The following APP variants were observed in gnomAD, a reference collection of about 807,000 sequenced individuals.
The protein encoded by APP is amyloid beta precursor protein, also known as amyloid-beta precursor protein.
A neutral mutation model predicts 101.4 loss-of-function variants in APP; 31 were observed. That is an observed-to-expected ratio of 0.31 (90% CI 0.23 to 0.41). APP has a LOEUF of 0.41. Ranked by LOEUF, APP falls within the 10% of genes least tolerant of loss-of-function variation. The probability of loss-of-function intolerance (pLI) is 1.00; values close to 1 mark genes in which losing one functional copy is unlikely to be tolerated. For synonymous variants in APP, 366 were observed against 364.4 expected (o/e 1.00, Z -0.05); for missense variants, 839 against 1,003.7 (o/e 0.84, Z 2.22).
At chr21:26,156,658 A>G (rs534661065) in intron 1 of APP, among the ~76,000 whole-genome samples, 2 of 152,326 alleles carry the variant, frequency 1.3e-5, no homozygotes, top group Admixed American at 1.3e-4. Flanking sequence ...TAGCTCAAAT[A>G]TTTTCAGATG....
At chr21:26,115,466 T>A (rs1364089482) in intron 1 of APP, among the ~76,000 whole-genome samples, 1 of 152,234 alleles carries the variant, frequency 6.6e-6, no homozygotes, top group Non-Finnish European at 1.5e-5. Flanking sequence ...CCTGTCTCCC[T>A]GAATTAAAAC....
chr21:25,978,433 T>C (rs907768238), intron 9 of APP, among the ~76,000 whole-genome samples: 17 of 152,178 alleles, frequency 1.1e-4, no homozygotes, highest in African/African-American at 4.1e-4. Context: ...GCCAGGGCCA[T>C]CCCATTTTAC....
At chr21:26,107,549 C>T (rs1601480050) in intron 2 of APP, among the ~76,000 whole-genome samples, 1 of 152,336 alleles carries the variant, frequency 6.6e-6, no homozygotes, top group African/African-American at 2.4e-5. Flanking sequence ...GCATGTAACG[C>T]CTCCTACTTC....
intron 2 of APP, among the ~76,000 whole-genome samples, chr21:26,094,853 A>AT (rs929549807): frequency 4.9e-4 from 73 of 149,048 alleles, no homozygotes; most frequent in East Asian, 5.9e-4. Flanking sequence ...TAATTAATTT[A>AT]TTTTTTTTTT....
intron 1 of APP, chr21:26,169,380 CA>C (rs2063689038): frequency 6.6e-6 from 1 of 152,668 alleles, no homozygotes; most frequent in African/African-American, 2.4e-5. Flanking sequence ...CCTGTGCCCC[CA>C]GGGGAACTAA....
intron 5 of APP, among the ~76,000 whole-genome samples, chr21:26,025,509 T>C (rs981197560): frequency 1.3e-5 from 2 of 152,172 alleles, no homozygotes; most frequent in Non-Finnish European, 2.9e-5. Flanking sequence ...TGTTTCCAGG[T>C]GGGATGGTGA....
chr21:26,112,472 T>C (rs986412050), intron 1 of APP, among the ~76,000 whole-genome samples: 12 of 152,212 alleles, frequency 7.9e-5, no homozygotes, highest in African/African-American at 2.9e-4. Context: ...ATTACACGTT[T>C]TCCTATAATA....
chr21:25,886,662 T>G (rs993225341), intron 17 of APP, among the ~76,000 whole-genome samples: 1 of 152,206 alleles, frequency 6.6e-6, no homozygotes, highest in Non-Finnish European at 1.5e-5. Context: ...CCCCAAATGC[T>G]GGGATTACAG....
rs200398369 is a variant in APP, at chr21:26,053,242, G to A, written c.462C>T (p.Ala154=). ...AGAATTTATGGGCTGGTACCTCTTT[G>A]GCGACGGTGTGCCAGTGAAGATGAG... The part of the protein sequence containing the change: ...CETHLHWHTV[A]KETCSEKSTN... The change falls in exon 4 of 18, where the codon GCC becomes GCT. Residue 154 remains alanine (A), a synonymous_variant. Transcript: ENST00000346798. The A allele has an allele frequency of 3.8e-5, 61 of 1,610,646 alleles. No individual in the cohort carries two copies. The Admixed American group carries it at 4.0e-4, about 11-fold the overall frequency.
intron 6 of APP, among the ~76,000 whole-genome samples, chr21:26,003,974 T>A (rs1391121154): frequency 6.6e-6 from 1 of 152,248 alleles, no homozygotes; most frequent in Non-Finnish European, 1.5e-5. Context: ...TTGTTTTCTC[T>A]GACTTTTTTG....
intron 13 of APP, among the ~76,000 whole-genome samples, chr21:25,931,808 A>C (rs1321778485): frequency 1.3e-5 from 2 of 152,202 alleles, no homozygotes; most frequent in African/African-American, 4.8e-5. Context: ...GTTGAGTTGC[A>C]ATCTTTCAGA....
At chr21:26,038,420 T>G (rs2045220538) in intron 5 of APP, among the ~76,000 whole-genome samples, 1 of 152,136 alleles carries the variant, frequency 6.6e-6, no homozygotes, top group African/African-American at 2.4e-5. Flanking sequence ...AAGGAGAGTC[T>G]TTGTATTCGA....
chr21:25,994,012 C>G (rs1358070072), intron 8 of APP, among the ~76,000 whole-genome samples: 6 of 152,170 alleles, frequency 3.9e-5, no homozygotes, highest in Non-Finnish European at 8.8e-5. Flanking sequence ...CACACTTTGG[C>G]CAGATCACAT....
intron 13 of APP, chr21:25,935,241 A>T (rs1180723044): frequency 1.3e-5 from 2 of 152,212 alleles, no homozygotes; most frequent in Non-Finnish European, 2.9e-5. Flanking sequence ...CAGCTGAAGT[A>T]ATCTATAAAA....
At chr21:26,069,687 T>C (rs961660117) in intron 3 of APP, among the ~76,000 whole-genome samples, 4 of 152,236 alleles carry the variant, frequency 2.6e-5, no homozygotes, top group African/African-American at 9.6e-5. Context: ...CTCCTGGGTA[T>C]AGTCCAGACT....
intron 1 of APP, among the ~76,000 whole-genome samples, chr21:26,130,727 G>A (rs2062777311): frequency 6.6e-6 from 1 of 152,144 alleles, no homozygotes; most frequent in Non-Finnish European, 1.5e-5. Flanking sequence ...GTCAGGTCTG[G>A]ACAGCACCAA....
chr21:26,089,090 A>G lies in APP; in HGVS notation c.355+853T>C, dbSNP rs376209933. 7.9e-5 allele frequency among the ~76,000 whole-genome samples: 12 copies of G among 152,324 alleles called. No individual in the cohort carries two copies. The East Asian group carries it at 2.1e-3, about 27-fold the overall frequency. On this transcript the variant is annotated intron_variant, in intron 3 of 17. Coordinates refer to ENST00000346798, the MANE Select transcript of APP (RefSeq NM_000484.4). ...AACCTTTATAAGAAGTCATCAGAAT[A>G]TACATCAATATTTGTCCACAATCTC...
intron 1 of APP, among the ~76,000 whole-genome samples, chr21:26,164,199 C>T (rs1041631615): frequency 6.6e-6 from 1 of 152,204 alleles, no homozygotes; most frequent in African/African-American, 2.4e-5. Flanking sequence ...GAGCTGAGAT[C>T]GCACCACTGC....
intron 5 of APP, among the ~76,000 whole-genome samples, chr21:26,030,397 T>C (rs2044767627): frequency 6.6e-6 from 1 of 152,190 alleles, no homozygotes; most frequent in East Asian, 1.9e-4. Flanking sequence ...GTGGGTGAGA[T>C]GGTATCATCT....
Sources: allele counts gnomAD v4.1 joint callset (sites outside exome capture counted in the v4.1 genomes callset), GRCh38; gene constraint gnomAD v4.1.1; transcripts MANE v1.5; gene names NCBI Gene and HGNC (gene_info 2026-07-23, HGNC 2026-07-21).